The following TET3 variants were observed in gnomAD, a reference collection of about 807,000 sequenced individuals.
TET3 encodes tet methylcytosine dioxygenase 3, also known as methylcytosine dioxygenase TET3.
Under a neutral mutation model 141.4 loss-of-function variants are expected in TET3, and 19 were observed. The observed-to-expected ratio is 0.13, with a 90% CI of 0.09 to 0.20. The LOEUF (loss-of-function observed/expected upper bound fraction) is 0.20. TET3 is among the 10% of genes least tolerant of loss of function. TET3 has a pLI of 1.00. For missense variants in TET3, 1,874 were observed against 2,356.9 expected (o/e 0.80, Z 4.24); for synonymous variants, 1,043 against 980.9 (o/e 1.06, Z -1.18).
At chr2:74,044,767 A>G (rs896366679) in intron 3 of TET3, among the ~76,000 whole-genome samples, 2 of 152,188 alleles carry the variant, frequency 1.3e-5, no homozygotes, top group African/African-American at 4.8e-5. Flanking sequence ...TAAGTTGGGG[A>G]CTGTCTGTAC....
At chr2:74,028,576 A>G (rs896664770) in intron 3 of TET3, among the ~76,000 whole-genome samples, 2 of 152,194 alleles carry the variant, frequency 1.3e-5, no homozygotes, top group Admixed American at 1.3e-4. Flanking sequence ...CCATTTAATT[A>G]TCTTAGTGTC....
Position 74,104,941 on chromosome 2 carries a change from G to A in TET3, c.*2765G>A. 1 of 378,878 alleles carries A rather than the reference G, an allele frequency of 2.6e-6. No homozygotes were observed. The highest frequency in any genetic ancestry group is 4.7e-6 in the Non-Finnish European group (1 of 214,404). The allele number at this position is 378,878 out of a possible 1,614,324, so 23.5% of individuals were successfully genotyped here. ...GTGTGGTTGCCGTGCTCAAGCCCAT[G>A]CTGATTTGTACACTACATGTCTAAC... is the stretch of plus-strand genomic sequence containing the variant. On this transcript the variant is annotated 3_prime_UTR_variant, in exon 12 of 12. Transcript: ENST00000409262.
chr2:73,987,010 A>C (rs1684062460), intron 2 of TET3, among the ~76,000 whole-genome samples: 2 of 152,164 alleles, frequency 1.3e-5, no homozygotes, highest in African/African-American at 4.8e-5. Flanking sequence ...TTGAAGCCTC[A>C]GATGTTGTAT....
intron 3 of TET3, among the ~76,000 whole-genome samples, chr2:74,004,419 G>A (rs1017309027): frequency 1.3e-5 from 2 of 152,192 alleles, no homozygotes; most frequent in Non-Finnish European, 2.9e-5. Context: ...GGTAGGGAGG[G>A]GCTCTGCTTC....
chr2:74,033,099 G>T (rs1686842819), intron 3 of TET3, among the ~76,000 whole-genome samples: 1 of 152,138 alleles, frequency 6.6e-6, no homozygotes, highest in African/African-American at 2.4e-5. Flanking sequence ...TTCCCTGACT[G>T]CTCCCTTCTC....
At position 74,101,943 on chromosome 2, in the gene TET3, A is replaced by AGGGCAC; in HGVS notation, c.5164_5169dup (p.Ala1722_Arg1723dup). 2.5e-6 allele frequency: 4 copies of AGGGCAC among 1,612,766 alleles called. No homozygotes were observed. The highest frequency in any genetic ancestry group is 3.4e-6 in the Non-Finnish European group (4 of 1,179,358). ...AGCCAAGATGAAGCAGCTGGCGGAG[A>AGGGCAC]GGGCACGGGCACGGCAGGAGGAGGC... On this transcript the variant is annotated inframe_insertion, in exon 12 of 12. Transcript: ENST00000409262. This position sits in a 1 kb window ranked among gnomAD's most constrained non-coding sequence, Gnocchi z 8.5.
chr2:73,988,997 TTG>T (rs1296960222), intron 2 of TET3, among the ~76,000 whole-genome samples: 4 of 136,214 alleles, frequency 2.9e-5, no homozygotes, highest in African/African-American at 5.2e-5. Context: ...AAAGTTTTTT[TTG>T]TTTTTTTTTT....
At chr2:74,117,329 A>C in the TET3 span, among the ~76,000 whole-genome samples, 1 of 151,936 alleles carries the variant, frequency 6.6e-6, no homozygotes, top group Non-Finnish European at 1.5e-5. Flanking sequence ...CACCTGCTTC[A>C]GCCTCCCAAA....
chr2:74,063,576 A>G (rs532123219), intron 4 of TET3, among the ~76,000 whole-genome samples: 48 of 151,510 alleles, frequency 3.2e-4, no homozygotes, highest in Non-Finnish European at 5.0e-4. Context: ...ATGCTGCATG[A>G]TTCCACTTAT....
At chr2:74,002,737 T>C in intron 2 of TET3, 1 of 526,712 alleles carries the variant, frequency 1.9e-6, no homozygotes, top group East Asian at 3.3e-5. Flanking sequence ...CCTCCCTCCG[T>C]GCGCTCCCTC....
intron 3 of TET3, among the ~76,000 whole-genome samples, chr2:74,008,261 A>G (rs1685245293): frequency 6.6e-6 from 1 of 152,182 alleles, no homozygotes; most frequent in South Asian, 2.1e-4. Flanking sequence ...CAAAAGATTT[A>G]CTTGCATCTC....
chr2:74,045,464 T>A (rs1346230093), intron 3 of TET3, among the ~76,000 whole-genome samples: 4 of 152,202 alleles, frequency 2.6e-5, no homozygotes, highest in Admixed American at 6.5e-5. Context: ...CAATTTCACA[T>A]CTTTGTATTC....
chr2:74,111,846 CA>C (rs1691712408), downstream of TET3, among the ~76,000 whole-genome samples: 1 of 152,206 alleles, frequency 6.6e-6, no homozygotes, highest in African/African-American at 2.4e-5. Context: ...TTAAGACCCA[CA>C]AACCCAAGGG....
chr2:74,004,822 C>T (rs544003682), intron 3 of TET3, among the ~76,000 whole-genome samples: 60 of 152,316 alleles, frequency 3.9e-4, no homozygotes, highest in East Asian at 1.2e-3. Context: ...TTCCTCCCCT[C>T]GCCTCCCGCT....
intron 4 of TET3, among the ~76,000 whole-genome samples, chr2:74,068,111 G>A (rs1039203427): frequency 3.9e-5 from 6 of 152,132 alleles, no homozygotes; most frequent in African/African-American, 9.7e-5. Context: ...AGTAGACGCC[G>A]TCAGTGGCAA....
intron 3 of TET3, among the ~76,000 whole-genome samples, chr2:74,037,603 A>C (rs1304951516): frequency 6.6e-6 from 1 of 152,194 alleles, no homozygotes; most frequent in Non-Finnish European, 1.5e-5. Context: ...TCCTTTGCAG[A>C]GAATGGGCTA....
At chr2:74,061,092 C>T (rs1172617092) in intron 4 of TET3, among the ~76,000 whole-genome samples, 6 of 151,108 alleles carry the variant, frequency 4.0e-5, no homozygotes, top group South Asian at 4.2e-4. Context: ...TAGGGGCGGC[C>T]GGGCAGAGGC....
intron 4 of TET3, among the ~76,000 whole-genome samples, chr2:74,054,193 G>A (rs1259237688): frequency 6.6e-6 from 1 of 152,118 alleles, no homozygotes; most frequent in Non-Finnish European, 1.5e-5. Context: ...GGGGAAGAGG[G>A]GATGATACCA....
At chr2:74,080,354 A>G in intron 5 of TET3, 144 bp from the exon 6 acceptor site, 2 of 701,352 alleles carry the variant, frequency 2.9e-6, no homozygotes, top group South Asian at 1.8e-5. Flanking sequence ...ACCAAATAAC[A>G]TTTAAACCTT....
Sources: allele counts gnomAD v4.1 joint callset (sites outside exome capture counted in the v4.1 genomes callset), GRCh38; gene constraint gnomAD v4.1.1; non-coding constraint Gnocchi (gnomAD v3.1); transcripts MANE v1.5; gene names NCBI Gene and HGNC (gene_info 2026-07-23, HGNC 2026-07-21).